Variants in PCDHGA7 observed in about 807,000 individuals in gnomAD.
PCDHGA7 encodes the protein protocadherin gamma-A7.
A neutral mutation model predicts 58.3 loss-of-function variants in PCDHGA7; 44 were observed. That is an observed-to-expected ratio of 0.75 (90% CI 0.59 to 0.97). The LOEUF (loss-of-function observed/expected upper bound fraction) is 0.97. Ranked by LOEUF, PCDHGA7 falls within the 50% of genes least tolerant of loss-of-function variation. The pLI is 0.00. For missense variants in PCDHGA7, 1,266 were observed against 1,188.7 expected (o/e 1.06, Z -0.96); for synonymous variants, 516 against 504.2 (o/e 1.02, Z -0.31).
Position 141,485,716 on chromosome 5 carries a change from T to C in PCDHGA7, c.2425-9091T>C. Reference sequence around the variant, plus strand: ...GCTCCAATGAACACTTTGCACTGGATGTGAAGAAGCGCAGCGACGGCAGCC... The same window carrying C: ...GCTCCAATGAACACTTTGCACTGGACGTGAAGAAGCGCAGCGACGGCAGCC... On this transcript the variant is annotated intron_variant, in intron 1 of 3. Coordinates refer to ENST00000518325, the MANE Select transcript of PCDHGA7 (RefSeq NM_018920.4). The surrounding 1 kb of genome is among the most constrained non-coding windows in gnomAD (Gnocchi z 5.7). The C allele has an allele frequency of 6.2e-7, 1 of 1,614,044 alleles. No individual in the cohort carries two copies. Among genetic ancestry groups the C allele is most frequent in the Non-Finnish European group, 8.5e-7 (1 of 1,180,002 alleles).
intron 1 of PCDHGA7, among the ~76,000 whole-genome samples, chr5:141,434,448 G>A (rs2097694852): frequency 6.6e-6 from 1 of 152,210 alleles, no homozygotes; most frequent in Non-Finnish European, 1.5e-5. Context: ...CATGCTGGAA[G>A]GTAGTGGGTT....
At chr5:141,417,423 C>T (rs1252792899) in intron 1 of PCDHGA7, 1 of 159,686 alleles carries the variant, frequency 6.3e-6, no homozygotes, top group African/African-American at 2.4e-5. Context: ...TATGTAAATT[C>T]AGTAAATAAA....
chr5:141,402,616 A>G (rs974813396), intron 1 of PCDHGA7, among the ~76,000 whole-genome samples: 1 of 152,256 alleles, frequency 6.6e-6, no homozygotes, highest in African/African-American at 2.4e-5. Flanking sequence ...AAATGCAAGA[A>G]ACAATTGGAG....
chr5:141,387,782 A>G lies in PCDHGA7; in HGVS notation c.2424+2459A>G, dbSNP rs145228594. 6.9e-3 allele frequency: 10,094 copies of G among 1,466,254 alleles called. 59 individuals are homozygous for G. The highest frequency in any genetic ancestry group is 8.3e-3 in the Non-Finnish European group (9,103 of 1,100,820). 90.8% of individuals were successfully genotyped at this position (1,466,254 alleles called of 1,614,324 possible). On this transcript the variant is annotated intron_variant, in intron 1 of 3. Transcript: ENST00000518325. ...AAGAAGAATTTTTTCTTGAACTGGA[A>G]CTGCAACTAAAGTCCGTTCGGAGAT... is the stretch of plus-strand genomic sequence containing the variant.
chr5:141,419,415 C>A, intron 1 of PCDHGA7: 2 of 1,613,434 alleles, frequency 1.2e-6, no homozygotes, highest in Non-Finnish European at 1.7e-6. Flanking sequence ...GCGCAGCGCG[C>A]CTTCGACCAC....
At chr5:141,455,534 A>G (rs985347185) in intron 1 of PCDHGA7, among the ~76,000 whole-genome samples, 1 of 152,178 alleles carries the variant, frequency 6.6e-6, no homozygotes, top group Non-Finnish European at 1.5e-5. Flanking sequence ...GACCAGGCAT[A>G]TCATTCACGT....
chr5:141,419,514 T>C (rs1180212485), intron 1 of PCDHGA7: 1 of 1,612,266 alleles, frequency 6.2e-7, no homozygotes, highest in Admixed American at 1.7e-5. Context: ...CGCGTGTTGG[T>C]GGGCGACCGT....
intron 1 of PCDHGA7, chr5:141,408,920 C>T (rs772932702): frequency 1.9e-6 from 3 of 1,613,506 alleles, no homozygotes; most frequent in Admixed American, 1.7e-5. Context: ...TGATAACCCC[C>T]CGGTTTTCAG....
chr5:141,419,834 A>C, intron 1 of PCDHGA7: 1 of 1,614,072 alleles, frequency 6.2e-7, no homozygotes, highest in Non-Finnish European at 8.5e-7. Context: ...AGCCACTGCC[A>C]CGCTGCACCT....
intron 1 of PCDHGA7, chr5:141,418,609 C>G: frequency 6.2e-7 from 1 of 1,614,026 alleles, no homozygotes. Flanking sequence ...ACAGGGTTAG[C>G]CTTCGGGAAG....
chr5:141,443,093 C>G (rs1316602934), intron 1 of PCDHGA7, among the ~76,000 whole-genome samples: 2 of 151,940 alleles, frequency 1.3e-5, no homozygotes, highest in African/African-American at 4.8e-5. Flanking sequence ...CAGTCTCCTT[C>G]TCAAGCTGAA....
chr5:141,422,397 C>T (rs753017439), intron 1 of PCDHGA7: 4 of 1,597,606 alleles, frequency 2.5e-6, no homozygotes, highest in East Asian at 4.5e-5. Context: ...TTCCTAACCA[C>T]CTGCCTTTTA....
chr5:141,504,135 C>T (rs758903340), intron 2 of PCDHGA7, among the ~76,000 whole-genome samples: 1 of 152,188 alleles, frequency 6.6e-6, no homozygotes, highest in Non-Finnish European at 1.5e-5. Context: ...CCCGCCAACA[C>T]TCCCCTGCAA....
intron 1 of PCDHGA7, chr5:141,389,039 AG>A: frequency 6.2e-7 from 1 of 1,613,988 alleles, no homozygotes; most frequent in Non-Finnish European, 8.5e-7. Context: ...GTAAATTGGA[AG>A]GTGATGTTCC....
chr5:141,483,435 A>G (rs2099581280), intron 1 of PCDHGA7, among the ~76,000 whole-genome samples: 1 of 152,180 alleles, frequency 6.6e-6, no homozygotes, highest in Admixed American at 6.5e-5. Context: ...GGAGCTGACT[A>G]CAATAAAATC....
rs2154591169 is a variant in PCDHGA7 at position 141,493,606 on chromosome 5, T to A, written c.2425-1201T>A. Among the ~76,000 whole-genome samples, 1 of 152,278 alleles carries A rather than the reference T, an allele frequency of 6.6e-6. No homozygotes were observed. Among genetic ancestry groups the A allele is most frequent in the Non-Finnish European group, 1.5e-5 (1 of 68,022 alleles). ...ACAATCACTGCATTTCCATGTAGAT[T>A]CTGCTGTGTCTAAGAATACAGTGGC... On this transcript the variant is annotated intron_variant, in intron 1 of 3. Transcript: ENST00000518325. This position sits in a 1 kb window ranked among gnomAD's most constrained non-coding sequence, Gnocchi z 4.3.
intron 1 of PCDHGA7, among the ~76,000 whole-genome samples, chr5:141,425,105 G>C (rs1227234896): frequency 2.0e-5 from 3 of 152,236 alleles, no homozygotes; most frequent in African/African-American, 7.2e-5. Flanking sequence ...TCCAACAGAT[G>C]CCTACATTTT....
rs538474552 is a variant in PCDHGA7, at chr5:141,415,070, C to T, written c.2424+29747C>T. The T allele has an allele frequency of 2.0e-5, 32 of 1,613,398 alleles. No homozygotes were observed. The African/African-American group carries it at 3.9e-4, about 19-fold the overall frequency. On this transcript the variant is annotated intron_variant, in intron 1 of 3. Transcript: ENST00000518325. Reference sequence around the variant, plus strand: ...GGGGAGCACACGGGCGAGGTGCGCACGGCGCGAGCCCTGCTGGACAGAGAC... The same window carrying T: ...GGGGAGCACACGGGCGAGGTGCGCATGGCGCGAGCCCTGCTGGACAGAGAC...
At position 141,383,914 on chromosome 5, in the gene PCDHGA7, G is replaced by T. The variant is rs1167823249; in HGVS notation, c.1015G>T (p.Asp339Tyr). ...GGCAAAAGTACTGATCACAGTTTTA[G>T]ATGTAAATGATAATGCTCCAGAAGT... ...TKAKVLITVL[D>Y]VNDNAPEVTM... is the part of the protein sequence containing the mutation. The change falls in exon 1 of 4, where the codon GAT (aspartate) becomes TAT (tyrosine). Residue 339 changes from aspartate to tyrosine, a missense_variant. Asp to Tyr is a radical substitution (Grantham distance 160). Transcript: ENST00000518325. The T allele has an allele frequency of 6.2e-7, 1 of 1,613,958 alleles. No individual in the cohort carries two copies. Among genetic ancestry groups the T allele is most frequent in the Admixed American group, 1.7e-5 (1 of 60,022 alleles).
Sources: allele counts gnomAD v4.1 joint callset (sites outside exome capture counted in the v4.1 genomes callset), GRCh38; gene constraint gnomAD v4.1.1; non-coding constraint Gnocchi (gnomAD v3.1); transcripts MANE v1.5; gene names NCBI Gene and HGNC (gene_info 2026-07-23, HGNC 2026-07-21).